The following HERC2 variants were observed in gnomAD, a reference collection of about 807,000 sequenced individuals.
HERC2 encodes the protein E3 ubiquitin-protein ligase HERC2.
A neutral mutation model predicts 537.7 loss-of-function variants in HERC2; 102 were observed. The observed-to-expected ratio is 0.19, with a 90% confidence interval of 0.16 to 0.22. The LOEUF is 0.22. Among genes scored for constraint, HERC2 ranks in the 10% least tolerant of loss-of-function variants. The pLI, the probability that HERC2 is intolerant of heterozygous loss-of-function variation, is 1.00. For synonymous variants in HERC2, 2,224 were observed against 2,466.2 expected, an observed-to-expected ratio of 0.90 and a Z score of 2.91; for missense variants, 4,236 against 6,198.2, an observed-to-expected ratio of 0.68 and a Z score of 10.63.
chr15:28,307,773 A>T (rs1287267236), intron 2 of HERC2, among the ~76,000 whole-genome samples: 7 of 152,230 alleles, frequency 4.6e-5, no homozygotes, highest in African/African-American at 1.7e-4. Context: ...CTGCATATGA[A>T]TATCAAGTTT....
At chr15:28,231,135 T>C (rs1901798032) in intron 30 of HERC2, among the ~76,000 whole-genome samples, 3 of 152,264 alleles carry the variant, frequency 2.0e-5, no homozygotes, top group South Asian at 2.1e-4. Context: ...CTATACTTTA[T>C]CTCTTTTAAA....
At chr15:28,288,244 A>G (rs1456445216) in intron 4 of HERC2, among the ~76,000 whole-genome samples, 1 of 152,150 alleles carries the variant, frequency 6.6e-6, no homozygotes, top group African/African-American at 2.4e-5. Context: ...ATGTAAGTTA[A>G]CATAAAAAAC....
intron 70 of HERC2, 119 bp downstream of exon 70, chr15:28,152,558 C>G: frequency 1.1e-6 from 1 of 924,146 alleles, no homozygotes; most frequent in East Asian, 2.7e-5. Context: ...GATTCTAAAG[C>G]AATTCTGTAA....
Position 28,111,845 on chromosome 15 carries a change from T to C in HERC2, c.14423A>G (p.Asp4808Gly). 1 of 1,614,238 alleles carries C rather than the reference T, an allele frequency of 6.2e-7. No individual in the cohort carries two copies. The highest frequency in any genetic ancestry group is 8.5e-7 in the Non-Finnish European group (1 of 1,180,038). The stretch of plus-strand genomic sequence containing the variant: ...GTTATCTGAATCGTCGCTGCTGTCG[T>C]CGGCGGCTGGCTCTCCTGTAAGTGC... Reference protein sequence around the residue: ...RIALTGEPAADDSSDDSDNED... With the variant: ...RIALTGEPAAGDSSDDSDNED... The change falls in exon 93 of 93, where the codon GAC becomes GGC. Residue 4808 changes from aspartate to glycine, a missense_variant. Transcript: ENST00000261609.
chr15:28,125,976 T>A (rs1889435608), intron 83 of HERC2, among the ~76,000 whole-genome samples: 1 of 152,208 alleles, frequency 6.6e-6, no homozygotes, highest in South Asian at 2.1e-4. Flanking sequence ...CATGCCCAGC[T>A]AATTTTTGTA....
At chr15:28,169,701 T>A (rs1382326101) in intron 65 of HERC2, 46 bp from the exon 66 acceptor site, 1 of 1,564,706 alleles carries the variant, frequency 6.4e-7, no homozygotes, top group Admixed American at 1.8e-5. Flanking sequence ...AATCACAGTT[T>A]GATCTATTTC....
chr15:28,159,801 A>G (rs1156821878), intron 69 of HERC2, among the ~76,000 whole-genome samples: 1 of 152,016 alleles, frequency 6.6e-6, no homozygotes, highest in Non-Finnish European at 1.5e-5. Context: ...GGAGGAGGAG[A>G]GATGCTCTGA....
At chr15:28,209,554 A>G (rs1054759232) in intron 44 of HERC2, among the ~76,000 whole-genome samples, 7 of 152,190 alleles carry the variant, frequency 4.6e-5, no homozygotes, top group South Asian at 2.1e-4. Context: ...CGTGTTAGCC[A>G]GGATGGTCTC....
At chr15:28,115,562 T>A in intron 88 of HERC2, 21 bp from the exon 89 acceptor site, 1 of 1,573,888 alleles carries the variant, frequency 6.4e-7, no homozygotes. Context: ...AGGACACAAG[T>A]GACAGAGGAC....
At chr15:28,150,208 T>A (rs1479644892) in intron 70 of HERC2, among the ~76,000 whole-genome samples, 2 of 150,296 alleles carry the variant, frequency 1.3e-5, no homozygotes, top group East Asian at 3.9e-4. Context: ...ACCGAGAACA[T>A]CACCGAGAAT....
intron 70 of HERC2, among the ~76,000 whole-genome samples, chr15:28,147,174 T>A (rs1389129617): frequency 6.6e-6 from 1 of 151,662 alleles, no homozygotes. Flanking sequence ...TGGAATATAT[T>A]TTAAAAGCAG....
chr15:28,123,846 G>T (rs762843717), intron 85 of HERC2, among the ~76,000 whole-genome samples, 191 bp downstream of exon 85: 5 of 152,198 alleles, frequency 3.3e-5, no homozygotes, highest in Non-Finnish European at 4.4e-5. Context: ...CTCCAAAAGG[G>T]AACAGATTTT....
At chr15:28,150,024 C>G (rs1455086488) in intron 70 of HERC2, among the ~76,000 whole-genome samples, 5 of 150,718 alleles carry the variant, frequency 3.3e-5, no homozygotes, top group Admixed American at 3.3e-4. Flanking sequence ...GTAAAATTAC[C>G]AAAAAAACAC....
At chr15:28,215,571 G>C in intron 39 of HERC2, 50 bp downstream of exon 39, 1 of 1,491,484 alleles carries the variant, frequency 6.7e-7, no homozygotes, top group Non-Finnish European at 9.2e-7. Context: ...GGGAACTTCA[G>C]TACATGGAGG....
At position 28,135,603 on chromosome 15, in the gene HERC2, C is replaced by T. The variant is rs1890556103; in HGVS notation, c.12105G>A (p.Gln4035=). 5 of 1,614,130 alleles carry T rather than the reference C, an allele frequency of 3.1e-6. No homozygotes were observed. Among genetic ancestry groups the T allele is most frequent in the African/African-American group, 1.3e-5 (1 of 75,044 alleles). Reference sequence around the variant, plus strand: ...CAGCTACTTTCTTAATAAACACATGCTGAATGGATTCAAGCAATGTTGGGG... The same window carrying T: ...CAGCTACTTTCTTAATAAACACATGTTGAATGGATTCAAGCAATGTTGGGG... ...VSTPTLLESI[Q]HVFIKKVAVN... The change falls in exon 79 of 93, where the codon CAG becomes CAA. Residue 4035 remains glutamine, a synonymous_variant. Transcript: ENST00000261609.
chr15:28,199,653 T>A (rs1406831049), intron 48 of HERC2, among the ~76,000 whole-genome samples: 1 of 152,148 alleles, frequency 6.6e-6, no homozygotes, highest in African/African-American at 2.4e-5. Flanking sequence ...ATGAGATGGA[T>A]AATTAATACA....
intron 42 of HERC2, chr15:28,212,871 TACA>T: frequency 1.6e-6 from 1 of 625,460 alleles, no homozygotes; most frequent in Non-Finnish European, 2.0e-6. Flanking sequence ...TCAAGTTTTC[TACA>T]ACGTGTATAT....
chr15:28,195,253 T>A (rs1897247029), intron 52 of HERC2, among the ~76,000 whole-genome samples: 1 of 152,084 alleles, frequency 6.6e-6, no homozygotes, highest in African/African-American at 2.4e-5. Context: ...TATGCACTCC[T>A]TATACACAGA....
rs200931637 is a variant in HERC2 at position 28,178,976 on chromosome 15, C to G, written c.9074G>C (p.Gly3025Ala). The change falls in exon 59 of 93, where the codon GGG becomes GCG. Residue 3025 changes from glycine to alanine, a missense_variant. Gly to Ala is a moderately conservative substitution (Grantham distance 60). Coordinates refer to ENST00000261609, the MANE Select transcript of HERC2 (RefSeq NM_004667.6). ...ACGEATNGRL[G>A]LGISSGTVPI... is the part of the protein sequence containing the mutation. ...CACCGTCCCGCTGGAAATGCCCAGC[C>G]CCAGCCGGCCATTCGTGGCTTCTCC... 77 of 1,614,190 alleles carry G rather than the reference C, an allele frequency of 4.8e-5. No homozygotes were observed. The Admixed American group carries it at 7.3e-4, about 15-fold the overall frequency.
Sources: gnomAD v4.1 joint callset for allele counts (sites outside exome capture counted in the v4.1 genomes callset) on GRCh38, gnomAD v4.1.1 for gene constraint, MANE v1.5 for transcripts, NCBI Gene and HGNC (gene_info 2026-07-23, HGNC 2026-07-21) for gene names.